CAMKK2: variants seen among roughly 807,000 people sequenced by gnomAD.
The protein encoded by CAMKK2 is calcium/calmodulin-dependent protein kinase kinase 2.
A neutral mutation model predicts 67.2 loss-of-function variants in CAMKK2; 30 were observed. That is an observed-to-expected ratio of 0.45 (90% CI 0.33 to 0.61). CAMKK2 has a LOEUF of 0.61. CAMKK2 is among the 20% of genes least tolerant of loss of function. The pLI is 0.02. For synonymous variants in CAMKK2, 322 were observed against 326.2 expected (o/e 0.99, Z 0.14); for missense variants, 643 against 802.0 (o/e 0.80, Z 2.39).
chr12:121,276,115 ACG>A (rs1896756334), intron 1 of CAMKK2, among the ~76,000 whole-genome samples: 1 of 143,690 alleles, frequency 7.0e-6, no homozygotes, highest in African/African-American at 2.6e-5. Context: ...AGCCGAGATC[ACG>A]CCACTGCACT....
chr12:121,274,410 G>T lies in CAMKK2; in HGVS notation c.117C>A (p.Gly39=). The T allele has an allele frequency of 6.2e-7, 1 of 1,613,264 alleles. No homozygotes were observed. The highest frequency in any genetic ancestry group is 1.6e-4 in the Middle Eastern group (1 of 6,062). Reference sequence around the variant, plus strand: ...CCAGGTGGATGCTCAAGGATGAGAGGCCCCGCAGGGCCTCACAGGGCTTCT... The same window carrying T: ...CCAGGTGGATGCTCAAGGATGAGAGTCCCCGCAGGGCCTCACAGGGCTTCT... ...ESQKPCEALR[G]LSSLSIHLGM... The change falls in exon 2 of 17, where the codon GGC becomes GGA. Residue 39 remains glycine, a synonymous_variant. Transcript: ENST00000404169.
chr12:121,279,129 A>C (rs1019182714), intron 1 of CAMKK2, among the ~76,000 whole-genome samples: 1 of 152,264 alleles, frequency 6.6e-6, no homozygotes, highest in African/African-American at 2.4e-5. Flanking sequence ...CGCCCCCAGC[A>C]AGGCTGCTTT....
At chr12:121,279,109 C>T (rs938973377) in intron 1 of CAMKK2, among the ~76,000 whole-genome samples, 2 of 152,266 alleles carry the variant, frequency 1.3e-5, no homozygotes, top group Non-Finnish European at 2.9e-5. Context: ...GCCAAGGGCA[C>T]TGAGCCATCC....
intron 16 of CAMKK2, among the ~76,000 whole-genome samples, chr12:121,243,006 C>T (rs1170997346): frequency 2.0e-5 from 3 of 148,224 alleles, no homozygotes; most frequent in South Asian, 2.2e-4. Context: ...CCTCCCAAAG[C>T]GCTGGGATTA....
rs1450384326 is a variant in CAMKK2 at position 121,285,741 on chromosome 12, G to C, written c.-60+10897C>G. ...GTGGGAGGATCGCTTGAGCTGGGGA[G>C]GTTGATGCAGCAGTGAGCCGTGATC... On this transcript the variant is annotated intron_variant, in intron 1 of 16. Transcript: ENST00000404169. This position sits in a 1 kb window ranked among gnomAD's most constrained non-coding sequence, Gnocchi z 4.1. Among the ~76,000 whole-genome samples, 1 of 152,178 alleles carries C rather than the reference G, an allele frequency of 6.6e-6. No individual in the cohort carries two copies. The highest frequency in any genetic ancestry group is 1.9e-4 in the East Asian group (1 of 5,192).
In CAMKK2 at chr12:121,241,267, C is replaced by A. The variant is rs911417125; in HGVS notation, c.1597-398G>T. ...GCTATGAGCCCTTACAGGGAAGGGA[C>A]TGTGACGCTTGTCCTCAGTCACCAG... On this transcript the variant is annotated intron_variant, in intron 16 of 16. Coordinates refer to ENST00000404169, the MANE Select transcript of CAMKK2 (RefSeq NM_001270485.2). 2.6e-5 allele frequency among the ~76,000 whole-genome samples: 4 copies of A among 152,186 alleles called. 1 individual carries two copies. The highest frequency in any genetic ancestry group is 3.9e-4 in the East Asian group (2 of 5,194).
At chr12:121,281,981 G>A (rs1342171831) in intron 1 of CAMKK2, among the ~76,000 whole-genome samples, 2 of 152,080 alleles carry the variant, frequency 1.3e-5, no homozygotes, top group Non-Finnish European at 2.9e-5. Context: ...GAATCTATAA[G>A]CACAGACTGG....
intron 1 of CAMKK2, among the ~76,000 whole-genome samples, chr12:121,277,262 G>C (rs113325539): frequency 2.0e-5 from 3 of 152,298 alleles, no homozygotes; most frequent in African/African-American, 7.2e-5. Flanking sequence ...CCAATCATGC[G>C]GCAAGATGTT....
intron 7 of CAMKK2, among the ~76,000 whole-genome samples, chr12:121,257,249 CTT>C (rs199805251): frequency 3.5e-5 from 5 of 143,958 alleles, no homozygotes; most frequent in African/African-American, 5.1e-5. Flanking sequence ...ATTAAAAAAA[CTT>C]TTTTTTTTTT....
chr12:121,271,593 C>T (rs572385632), intron 2 of CAMKK2, among the ~76,000 whole-genome samples: 2 of 152,256 alleles, frequency 1.3e-5, no homozygotes, highest in East Asian at 3.9e-4. Flanking sequence ...TAAAGTGATA[C>T]AAGAAAAGCA....
intron 7 of CAMKK2, among the ~76,000 whole-genome samples, chr12:121,258,441 TC>T (rs568173011): frequency 3.9e-5 from 6 of 152,058 alleles, no homozygotes; most frequent in African/African-American, 1.2e-4. Context: ...CAAGCAATCC[TC>T]CCACCTCAGC....
chr12:121,289,543 A>G, intron 1 of CAMKK2, among the ~76,000 whole-genome samples: 1 of 152,208 alleles, frequency 6.6e-6, no homozygotes, highest in East Asian at 1.9e-4. Flanking sequence ...TCCATCCCAT[A>G]ACCTGCCAGG....
intron 1 of CAMKK2, among the ~76,000 whole-genome samples, chr12:121,287,367 C>T (rs534286916): frequency 1.3e-5 from 2 of 152,274 alleles, no homozygotes; most frequent in East Asian, 3.9e-4. Context: ...GTCATAAGAG[C>T]ACATTCTCAC....
intron 13 of CAMKK2, 67 bp downstream of exon 13, chr12:121,249,720 G>C: frequency 7.9e-7 from 1 of 1,258,814 alleles, no homozygotes; most frequent in Non-Finnish European, 1.2e-6. Context: ...CAAGGGTGTG[G>C]GGTCTGGCTG....
intron 11 of CAMKK2, among the ~76,000 whole-genome samples, chr12:121,251,620 G>A (rs1178358103): frequency 3.3e-5 from 5 of 151,990 alleles, no homozygotes; most frequent in Non-Finnish European, 7.4e-5. Context: ...TTGAGGTCAG[G>A]AGTTTGAAAC....
chr12:121,252,371 C>T (rs1038736833), intron 11 of CAMKK2, among the ~76,000 whole-genome samples: 1 of 152,212 alleles, frequency 6.6e-6, no homozygotes, highest in African/African-American at 2.4e-5. Context: ...TGGGTTCAGG[C>T]GATTCTCCTG....
intron 1 of CAMKK2, among the ~76,000 whole-genome samples, chr12:121,281,713 C>T (rs866168095): frequency 6.6e-6 from 1 of 152,096 alleles, no homozygotes; most frequent in South Asian, 2.1e-4. Context: ...TTTGGGAGGC[C>T]GAGACGGGTG....
At chr12:121,295,599 G>T (rs1481309788) in intron 1 of CAMKK2, among the ~76,000 whole-genome samples, 1 of 152,136 alleles carries the variant, frequency 6.6e-6, no homozygotes, top group Non-Finnish European at 1.5e-5. Context: ...CAGCTCTAGG[G>T]CACCTGAAGT....
chr12:121,277,565 T>C (rs1459444600), intron 1 of CAMKK2, among the ~76,000 whole-genome samples: 1 of 152,218 alleles, frequency 6.6e-6, no homozygotes, highest in Admixed American at 6.5e-5. Flanking sequence ...AAGGAAACTC[T>C]GACTCACACT....
Sources: allele counts gnomAD v4.1 joint callset (sites outside exome capture counted in the v4.1 genomes callset), GRCh38; gene constraint gnomAD v4.1.1; non-coding constraint Gnocchi (gnomAD v3.1); transcripts MANE v1.5; gene names NCBI Gene and HGNC (gene_info 2026-07-23, HGNC 2026-07-21).